The following NUBPL variants were observed in gnomAD, a reference collection of about 807,000 sequenced individuals.
NUBPL encodes the protein NUBP iron-sulfur cluster assembly factor, mitochondrial.
A neutral mutation model predicts 45.7 loss-of-function variants in NUBPL; 31 were observed. The observed-to-expected ratio is 0.68, with a 90% CI of 0.51 to 0.92. The LOEUF (loss-of-function observed/expected upper bound fraction) is 0.92, where lower values mean the gene tolerates loss of function less well. Among genes scored for constraint, NUBPL ranks in the 40% least tolerant of loss-of-function variants. NUBPL has a pLI of 0.00. For synonymous variants in NUBPL, 144 were observed against 140.9 expected (o/e 1.02, Z -0.15); for missense variants, 401 against 398.7 (o/e 1.01, Z -0.05).
At chr14:31,567,076 G>T (rs1198845251) in intron 3 of NUBPL, among the ~76,000 whole-genome samples, 1 of 151,836 alleles carries the variant, frequency 6.6e-6, no homozygotes, top group African/African-American at 2.4e-5. Context: ...ATTTATATTC[G>T]TTATTTGATA....
At chr14:31,644,438 T>A (rs138059201) in intron 4 of NUBPL, among the ~76,000 whole-genome samples, 1 of 152,168 alleles carries the variant, frequency 6.6e-6, no homozygotes, top group African/African-American at 2.4e-5. Flanking sequence ...GTTGTTTAAT[T>A]TCCATCTGTT....
At chr14:31,718,725 C>T (rs2037742526) in intron 6 of NUBPL, among the ~76,000 whole-genome samples, 1 of 152,202 alleles carries the variant, frequency 6.6e-6, no homozygotes, top group South Asian at 2.1e-4. Flanking sequence ...AGGATTTCTT[C>T]ATAAATCTAA....
intron 4 of NUBPL, among the ~76,000 whole-genome samples, chr14:31,637,003 G>A (rs542934168): frequency 7.2e-5 from 11 of 152,084 alleles, no homozygotes; most frequent in Admixed American, 3.9e-4. Flanking sequence ...TAGTCTTGCT[G>A]GTGGTCTATC....
intron 3 of NUBPL, among the ~76,000 whole-genome samples, chr14:31,595,477 C>T (rs902726674): frequency 6.6e-6 from 1 of 151,992 alleles, no homozygotes; most frequent in Non-Finnish European, 1.5e-5. Context: ...AGCAAATATT[C>T]GTTTGAATCT....
Position 31,859,377 on chromosome 14 carries a change from G to A in NUBPL, c.*197G>A. On this transcript the variant is annotated 3_prime_UTR_variant, in exon 11 of 11. Transcript: ENST00000281081. ...TATCAATGTTAACTGCTATATTTAG[G>A]AATTTTTTGAAAGCTGGTGTGTACC... is the stretch of plus-strand genomic sequence containing the variant. 1 of 591,542 alleles carries A rather than the reference G, an allele frequency of 1.7e-6. No individual in the cohort carries two copies. Among genetic ancestry groups the A allele is most frequent in the South Asian group, 2.0e-5 (1 of 50,508 alleles). The allele number at this position is 591,542 out of a possible 1,614,324, so 36.6% of individuals were successfully genotyped here.
intron 4 of NUBPL, among the ~76,000 whole-genome samples, chr14:31,656,159 C>T (rs796068510): frequency 2.6e-5 from 4 of 152,256 alleles, no homozygotes; most frequent in African/African-American, 9.6e-5. Context: ...ATCTTCCTCA[C>T]CTCTCTCAGC....
chr14:31,747,133 G>A (rs1018625593), intron 6 of NUBPL, among the ~76,000 whole-genome samples: 2 of 142,234 alleles, frequency 1.4e-5, no homozygotes, highest in African/African-American at 6.0e-5. Context: ...TTCAGTCCTG[G>A]GCTTTTCTTT....
chr14:31,582,700 C>G (rs147217427), intron 3 of NUBPL, among the ~76,000 whole-genome samples: 2 of 152,204 alleles, frequency 1.3e-5, no homozygotes, highest in East Asian at 3.9e-4. Context: ...GGTCATACCA[C>G]AGAGCTTGTG....
chr14:31,747,929 G>T (rs535147444), intron 6 of NUBPL, among the ~76,000 whole-genome samples: 69 of 151,874 alleles, frequency 4.5e-4, no homozygotes, highest in African/African-American at 1.6e-3. Flanking sequence ...TTTTATACAG[G>T]TGTTTCTTGA....
intron 4 of NUBPL, among the ~76,000 whole-genome samples, chr14:31,630,755 C>T (rs919985788): frequency 2.0e-5 from 3 of 152,128 alleles, no homozygotes; most frequent in Admixed American, 2.0e-4. Context: ...TGACTCTCTA[C>T]CCAATGCTCC....
chr14:31,581,035 C>T (rs1192015633), intron 3 of NUBPL, among the ~76,000 whole-genome samples: 1 of 152,084 alleles, frequency 6.6e-6, no homozygotes, highest in East Asian at 1.9e-4. Flanking sequence ...AAAAATAGAA[C>T]AAGACGACTA....
chr14:31,714,591 G>C (rs534729771), intron 6 of NUBPL: 2 of 152,472 alleles, frequency 1.3e-5, no homozygotes, highest in Admixed American at 6.5e-5. Flanking sequence ...CAGATCTTGC[G>C]TGAACTAACC....
chr14:31,772,281 T>A (rs1566553584), intron 6 of NUBPL, among the ~76,000 whole-genome samples: 1 of 152,190 alleles, frequency 6.6e-6, no homozygotes, highest in Admixed American at 6.6e-5. Flanking sequence ...GTAGAGAAGA[T>A]TTTGATAAAA....
At chr14:31,605,874 T>G (rs1008173908) in intron 4 of NUBPL, among the ~76,000 whole-genome samples, 18 of 143,788 alleles carry the variant, frequency 1.3e-4, no homozygotes, top group Non-Finnish European at 1.2e-4. Flanking sequence ...GTCTCCTCCC[T>G]TCTTCCTCCT....
intron 4 of NUBPL, among the ~76,000 whole-genome samples, chr14:31,646,886 A>G: frequency 6.6e-6 from 1 of 151,780 alleles, no homozygotes; most frequent in Non-Finnish European, 1.5e-5. Context: ...CTTGTAGGCA[A>G]TCTTTGTTCC....
chr14:31,706,189 G>A (rs2037447980), intron 6 of NUBPL, among the ~76,000 whole-genome samples: 1 of 152,170 alleles, frequency 6.6e-6, no homozygotes, highest in African/African-American at 2.4e-5. Context: ...CTGCTGTTGG[G>A]AATTTGGCCG....
At chr14:31,667,162 T>G (rs994980182) in intron 4 of NUBPL, among the ~76,000 whole-genome samples, 1 of 152,116 alleles carries the variant, frequency 6.6e-6, no homozygotes, top group Non-Finnish European at 1.5e-5. Context: ...TCGGTTACAT[T>G]CTCCTCATCA....
intron 6 of NUBPL, among the ~76,000 whole-genome samples, chr14:31,727,587 T>G (rs1484947712): frequency 6.6e-6 from 1 of 152,194 alleles, no homozygotes; most frequent in African/African-American, 2.4e-5. Context: ...TTGGTCTTAG[T>G]GTAGAAGTAT....
chr14:31,826,099 T>A (rs1358136213), intron 7 of NUBPL, among the ~76,000 whole-genome samples: 1 of 152,044 alleles, frequency 6.6e-6, no homozygotes, highest in Non-Finnish European at 1.5e-5. Context: ...AATCACTGAT[T>A]AGTCAGTTGC....
Sources: allele counts gnomAD v4.1 joint callset (sites outside exome capture counted in the v4.1 genomes callset), GRCh38; gene constraint gnomAD v4.1.1; transcripts MANE v1.5; gene names NCBI Gene and HGNC (gene_info 2026-07-23, HGNC 2026-07-21).